Variants in RAB3C observed in about 807,000 individuals in gnomAD.
RAB3C encodes the protein ras-related protein Rab-3C.
Under a neutral mutation model 26.4 loss-of-function variants are expected in RAB3C, and 17 were observed. The observed-to-expected ratio is 0.64, with a 90% CI of 0.44 to 0.97. The LOEUF (loss-of-function observed/expected upper bound fraction) is 0.97. Among genes scored for constraint, RAB3C ranks in the 50% least tolerant of loss-of-function variants. The pLI is 0.00. For missense variants in RAB3C, 242 were observed against 281.9 expected (o/e 0.86, Z 1.01); for synonymous variants, 91 against 95.9 (o/e 0.95, Z 0.30).
At chr5:58,725,442 C>T (rs1579881038) in intron 2 of RAB3C, among the ~76,000 whole-genome samples, 1 of 151,936 alleles carries the variant, frequency 6.6e-6, no homozygotes, top group East Asian at 1.9e-4. Flanking sequence ...TATTCCCTGA[C>T]CTTGCTACCT....
At chr5:58,582,986 G>C, upstream of RAB3C, 1 of 1,290,934 alleles carries the variant, frequency 7.7e-7, no homozygotes, top group Non-Finnish European at 1.0e-6. Flanking sequence ...CCGTTTGCCG[G>C]GAACACCCGG....
At chr5:58,819,271 TC>T (rs1743285450) in intron 3 of RAB3C, among the ~76,000 whole-genome samples, 2 of 152,282 alleles carry the variant, frequency 1.3e-5, no homozygotes, top group African/African-American at 2.4e-5. Flanking sequence ...CAGAGTGACT[TC>T]CCCATACTCA....
chr5:58,744,670 T>C (rs1354350581), intron 3 of RAB3C, among the ~76,000 whole-genome samples: 1 of 152,210 alleles, frequency 6.6e-6, no homozygotes, highest in Admixed American at 6.5e-5. Flanking sequence ...AATGGTCATG[T>C]TTGTGGTTTT....
chr5:58,582,176 C>T (rs887451363), upstream of RAB3C: 1 of 154,410 alleles, frequency 6.5e-6, no homozygotes, highest in African/African-American at 2.4e-5. Flanking sequence ...TGAGCCCTTT[C>T]TCTGCAGCTG....
At chr5:58,603,772 G>A (rs933057377) in intron 1 of RAB3C, among the ~76,000 whole-genome samples, 11 of 152,104 alleles carry the variant, frequency 7.2e-5, no homozygotes, top group Admixed American at 5.2e-4. Context: ...TCCCTGATTA[G>A]CTTAATAACT....
chr5:58,784,198 T>C (rs1742328934), intron 3 of RAB3C, among the ~76,000 whole-genome samples: 1 of 152,114 alleles, frequency 6.6e-6, no homozygotes, highest in Non-Finnish European at 1.5e-5. Context: ...TAATATATAG[T>C]CCTCCACATT....
At chr5:58,596,098 G>A (rs946607519) in intron 1 of RAB3C, among the ~76,000 whole-genome samples, 4 of 152,008 alleles carry the variant, frequency 2.6e-5, no homozygotes, top group African/African-American at 9.7e-5. Flanking sequence ...CAAAACTAGG[G>A]TGACCCACCA....
chr5:58,801,656 G>A (rs1423942947), intron 3 of RAB3C, among the ~76,000 whole-genome samples: 1 of 152,208 alleles, frequency 6.6e-6, no homozygotes, highest in African/African-American at 2.4e-5. Context: ...TCTATTTTCT[G>A]GCCAGAGGCC....
At chr5:58,727,096 C>A (rs540219189) in intron 3 of RAB3C, among the ~76,000 whole-genome samples, 3 of 149,438 alleles carry the variant, frequency 2.0e-5, no homozygotes, top group South Asian at 2.2e-4. Flanking sequence ...AAAACTTTGA[C>A]AATACATAGG....
At chr5:58,718,676 C>G (rs1308287594) in intron 2 of RAB3C, among the ~76,000 whole-genome samples, 1 of 151,972 alleles carries the variant, frequency 6.6e-6, no homozygotes, top group Non-Finnish European at 1.5e-5. Context: ...TAAAGGACAA[C>G]AGGTAGGGAG....
At chr5:58,583,051 G>A (rs1347923771), upstream of RAB3C, 14 of 1,463,338 alleles carry the variant, frequency 9.6e-6, no homozygotes, top group South Asian at 8.5e-5. Flanking sequence ...GTACGCGTGT[G>A]CGGCGCCAGG....
At chr5:58,760,315 G>A (rs923563164) in intron 3 of RAB3C, among the ~76,000 whole-genome samples, 1 of 152,190 alleles carries the variant, frequency 6.6e-6, no homozygotes, top group Non-Finnish European at 1.5e-5. Flanking sequence ...CGGATGGAAT[G>A]TGAGAATATG....
chr5:58,760,014 C>T (rs1741763204), intron 3 of RAB3C, among the ~76,000 whole-genome samples: 1 of 152,194 alleles, frequency 6.6e-6, no homozygotes, highest in Non-Finnish European at 1.5e-5. Flanking sequence ...GCCAAGTGTT[C>T]TTTCCTTCCT....
At chr5:58,643,030 T>C (rs889961089) in intron 2 of RAB3C, among the ~76,000 whole-genome samples, 3 of 152,202 alleles carry the variant, frequency 2.0e-5, no homozygotes, top group Non-Finnish European at 4.4e-5. Context: ...CAAATCAGAC[T>C]CTTTAATGTA....
intron 2 of RAB3C, among the ~76,000 whole-genome samples, chr5:58,691,745 T>G (rs1748574615): frequency 6.6e-6 from 1 of 152,178 alleles, no homozygotes; most frequent in Non-Finnish European, 1.5e-5. Context: ...AAAATGTATA[T>G]TTTTTTGCAT....
intron 4 of RAB3C, among the ~76,000 whole-genome samples, chr5:58,843,112 G>A (rs746695811): frequency 1.3e-5 from 2 of 152,142 alleles, no homozygotes; most frequent in Non-Finnish European, 2.9e-5. Flanking sequence ...TCATGGGGCT[G>A]GTTACAGGAT....
chr5:58,744,507 A>G (rs74791094), intron 3 of RAB3C, among the ~76,000 whole-genome samples: 1 of 152,204 alleles, frequency 6.6e-6, no homozygotes, highest in African/African-American at 2.4e-5. Flanking sequence ...TCTCATGAGC[A>G]TGAACAGCAA....
At chr5:58,771,648 T>G (rs976932527) in intron 3 of RAB3C, among the ~76,000 whole-genome samples, 4 of 152,074 alleles carry the variant, frequency 2.6e-5, no homozygotes, top group Non-Finnish European at 4.4e-5. Flanking sequence ...AATAACTTTT[T>G]TGTAACAGTT....
intron 1 of RAB3C, among the ~76,000 whole-genome samples, chr5:58,606,918 C>T (rs965560867): frequency 1.3e-5 from 2 of 152,176 alleles, no homozygotes; most frequent in African/African-American, 4.8e-5. Context: ...AGGTCACAAA[C>T]ATCAGAGACC....
Sources: allele counts gnomAD v4.1 joint callset (sites outside exome capture counted in the v4.1 genomes callset), GRCh38; gene constraint gnomAD v4.1.1; transcripts MANE v1.5; gene names NCBI Gene and HGNC (gene_info 2026-07-23, HGNC 2026-07-21).